TAFA2: variants seen among roughly 807,000 people sequenced by gnomAD.
TAFA2 encodes the protein TAFA chemokine like family member 2.
Under a neutral mutation model 18.8 loss-of-function variants are expected in TAFA2, and 7 were observed. The ratio of observed to expected loss-of-function variants is 0.37; its 90% CI spans 0.21 to 0.70. The LOEUF (loss-of-function observed/expected upper bound fraction) is 0.70, where lower values mean the gene tolerates loss of function less well. Ranked by LOEUF, TAFA2 falls within the 30% of genes least tolerant of loss-of-function variation. The probability of loss-of-function intolerance (pLI) is 0.53; values close to 1 mark genes in which losing one functional copy is unlikely to be tolerated. For missense variants in TAFA2, 122 were observed against 158.1 expected, an observed-to-expected ratio of 0.77 and a Z score of 1.23; for synonymous variants, 60 against 54.2, an observed-to-expected ratio of 1.11 and a Z score of -0.47.
chr12:61,905,494 A>G (rs908800338), intron 1 of TAFA2, among the ~76,000 whole-genome samples: 1 of 152,180 alleles, frequency 6.6e-6, no homozygotes, highest in Non-Finnish European at 1.5e-5. Context: ...AATGGTCTTG[A>G]TATTATTTCA....
At chr12:61,898,616 G>A (rs1308566852) in intron 1 of TAFA2, among the ~76,000 whole-genome samples, 1 of 152,096 alleles carries the variant, frequency 6.6e-6, no homozygotes, top group Non-Finnish European at 1.5e-5. Flanking sequence ...CCACAGCTGA[G>A]ACTGAAATAG....
intron 2 of TAFA2, among the ~76,000 whole-genome samples, chr12:61,782,541 T>C (rs184781138): frequency 1.1e-3 from 162 of 151,834 alleles, no homozygotes; most frequent in Admixed American, 8.6e-4. Context: ...TTTACACATG[T>C]TATACAAAAC....
intron 1 of TAFA2, among the ~76,000 whole-genome samples, chr12:61,978,068 A>G (rs1879500806): frequency 6.6e-6 from 1 of 152,106 alleles, no homozygotes; most frequent in African/African-American, 2.4e-5. Context: ...GGTTTCACTT[A>G]GCAATGAATA....
At chr12:61,889,366 G>T (rs1875530473) in intron 1 of TAFA2, among the ~76,000 whole-genome samples, 1 of 152,122 alleles carries the variant, frequency 6.6e-6, no homozygotes, top group African/African-American at 2.4e-5. Context: ...GTTCTGCGTT[G>T]TTCCCTATGG....
chr12:62,107,494 A>G (rs551266159), intron 1 of TAFA2, among the ~76,000 whole-genome samples: 18 of 152,186 alleles, frequency 1.2e-4, no homozygotes, highest in Non-Finnish European at 1.9e-4. Context: ...GGTCTTGTCA[A>G]TTTTAGCCTA....
intron 1 of TAFA2, among the ~76,000 whole-genome samples, chr12:62,091,709 C>T (rs1250031941): frequency 1.3e-5 from 2 of 151,934 alleles, no homozygotes; most frequent in African/African-American, 2.4e-5. Flanking sequence ...CCGCCACATC[C>T]CCTAGGTGAT....
chr12:61,763,027 T>C (rs969276307), intron 2 of TAFA2, among the ~76,000 whole-genome samples: 1 of 152,078 alleles, frequency 6.6e-6, no homozygotes, highest in Non-Finnish European at 1.5e-5. Context: ...CAAAACTTTC[T>C]GAGACAGCTA....
intron 2 of TAFA2, among the ~76,000 whole-genome samples, chr12:61,836,756 T>TATACATATATATATATATATATAC: frequency 8.3e-6 from 1 of 119,842 alleles, no homozygotes; most frequent in East Asian, 2.7e-4. Context: ...TATATATATA[T>TATACATATATATATATATATATAC]ACACACACAC....
intron 1 of TAFA2, among the ~76,000 whole-genome samples, chr12:62,208,167 AT>A (rs1444577142): frequency 1.3e-5 from 2 of 152,166 alleles, no homozygotes; most frequent in East Asian, 3.8e-4. Context: ...TGTCTGAAAA[AT>A]TCTGAAAATA....
chr12:61,778,623 T>C (rs935991769), intron 2 of TAFA2, among the ~76,000 whole-genome samples: 7 of 151,844 alleles, frequency 4.6e-5, no homozygotes, highest in African/African-American at 1.7e-4. Flanking sequence ...AGACAAACAC[T>C]GAACAAATTA....
intron 1 of TAFA2, among the ~76,000 whole-genome samples, chr12:62,183,037 A>G (rs190264572): frequency 1.3e-5 from 2 of 152,362 alleles, no homozygotes; most frequent in East Asian, 3.9e-4. Flanking sequence ...AGTGCTTTCT[A>G]TGGACTGAAT....
intron 1 of TAFA2, among the ~76,000 whole-genome samples, chr12:62,044,690 A>G (rs1189486279): frequency 6.6e-6 from 1 of 152,114 alleles, no homozygotes; most frequent in Non-Finnish European, 1.5e-5. Context: ...GCCAAACAAC[A>G]TGGGGGCCAA....
intron 2 of TAFA2, among the ~76,000 whole-genome samples, chr12:61,819,088 G>A (rs1018549278): frequency 1.3e-5 from 2 of 152,034 alleles, no homozygotes; most frequent in Non-Finnish European, 2.9e-5. Flanking sequence ...AATATGTTTA[G>A]TATATATCAC....
chr12:61,984,379 C>T (rs1408215219), intron 1 of TAFA2, among the ~76,000 whole-genome samples: 1 of 152,224 alleles, frequency 6.6e-6, no homozygotes, highest in Non-Finnish European at 1.5e-5. Context: ...TCTTGTCATT[C>T]ACGTAGCTCT....
chr12:61,992,029 C>T (rs1166261945), intron 1 of TAFA2, among the ~76,000 whole-genome samples: 1 of 152,168 alleles, frequency 6.6e-6, no homozygotes, highest in Non-Finnish European at 1.5e-5. Context: ...TCATATAACT[C>T]AGGTCTTGAT....
At chr12:61,911,334 G>C (rs1304036798) in intron 1 of TAFA2, among the ~76,000 whole-genome samples, 1 of 152,036 alleles carries the variant, frequency 6.6e-6, no homozygotes, top group Non-Finnish European at 1.5e-5. Flanking sequence ...AATTGGGATT[G>C]GCCCAATCCT....
At chr12:61,866,291 A>G (rs2121216612) in intron 2 of TAFA2, among the ~76,000 whole-genome samples, 1 of 152,260 alleles carries the variant, frequency 6.6e-6, no homozygotes, top group African/African-American at 2.4e-5. Context: ...TGTCAGTCCC[A>G]CACACCATGT....
intron 1 of TAFA2, among the ~76,000 whole-genome samples, chr12:62,201,353 G>A (rs1414137392): frequency 6.6e-6 from 1 of 152,140 alleles, no homozygotes; most frequent in Non-Finnish European, 1.5e-5. Context: ...TGCCTATTCA[G>A]TATGACATTG....
chr12:62,156,450 T>C (rs999781624), intron 1 of TAFA2, among the ~76,000 whole-genome samples: 4 of 152,268 alleles, frequency 2.6e-5, no homozygotes, highest in East Asian at 1.9e-4. Flanking sequence ...ACTAGGTATC[T>C]ACCCAGAGGA....
Sources: gnomAD v4.1 joint callset for allele counts (sites outside exome capture counted in the v4.1 genomes callset) on GRCh38, gnomAD v4.1.1 for gene constraint, MANE v1.5 for transcripts, NCBI Gene and HGNC (gene_info 2026-07-23, HGNC 2026-07-21) for gene names.